The following CCDC73 variants were observed in gnomAD, a reference collection of about 807,000 sequenced individuals.
The protein encoded by CCDC73 is coiled-coil domain containing 73.
A neutral mutation model predicts 116.5 loss-of-function variants in CCDC73; 95 were observed. That is an observed-to-expected ratio of 0.82 (90% CI 0.69 to 0.97). CCDC73 has a LOEUF of 0.97. CCDC73 is among the 50% of genes least tolerant of loss of function. The pLI is 0.00. For missense variants in CCDC73, 1,066 were observed against 1,206.8 expected (o/e 0.88, Z 1.73); for synonymous variants, 398 against 401.3 (o/e 0.99, Z 0.10).
At chr11:32,733,558 T>C (rs982165564) in intron 2 of CCDC73, among the ~76,000 whole-genome samples, 9 of 152,160 alleles carry the variant, frequency 5.9e-5, no homozygotes, top group Admixed American at 1.3e-4. Flanking sequence ...ACAGAAATTA[T>C]AACAAACTGT....
chr11:32,635,518 A>T (rs1183060677), intron 14 of CCDC73, among the ~76,000 whole-genome samples, 178 bp downstream of exon 14: 1 of 152,160 alleles, frequency 6.6e-6, no homozygotes, highest in East Asian at 1.9e-4. Context: ...TAAAAAAATG[A>T]CCTTCAATTC....
At chr11:32,716,250 T>A (rs575862039) in intron 3 of CCDC73, among the ~76,000 whole-genome samples, 7 of 152,184 alleles carry the variant, frequency 4.6e-5, no homozygotes, top group African/African-American at 1.7e-4. Context: ...TTTCTTCAGA[T>A]GGAATCCAGC....
intron 2 of CCDC73, 31 bp downstream of exon 2, chr11:32,760,074 CTTAT>C (rs750676724): frequency 1.3e-6 from 2 of 1,542,480 alleles, no homozygotes; most frequent in African/African-American, 2.8e-5. Context: ...ATCAAGTTTT[CTTAT>C]TTAACAAAAG....
At chr11:32,810,438 G>A in the CCDC73 span, among the ~76,000 whole-genome samples, 1 of 152,114 alleles carries the variant, frequency 6.6e-6, no homozygotes, top group Non-Finnish European at 1.5e-5. Context: ...GTTCAATTAG[G>A]CTAAATTATT....
intron 6 of CCDC73, among the ~76,000 whole-genome samples, chr11:32,697,717 T>C (rs1849766495): frequency 6.6e-6 from 1 of 151,870 alleles, no homozygotes; most frequent in Non-Finnish European, 1.5e-5. Flanking sequence ...CTCCTGACTT[T>C]GAGTGATCTG....
chr11:32,802,487 G>A, the CCDC73 span, among the ~76,000 whole-genome samples: 1 of 152,152 alleles, frequency 6.6e-6, no homozygotes, highest in Non-Finnish European at 1.5e-5. Flanking sequence ...CTTCTGTAAA[G>A]TGATAGATGA....
At chr11:32,683,848 T>G (rs1856170377) in intron 6 of CCDC73, among the ~76,000 whole-genome samples, 1 of 152,170 alleles carries the variant, frequency 6.6e-6, no homozygotes, top group South Asian at 2.1e-4. Context: ...AAGGTATGCA[T>G]GTTAGAGAGT....
chr11:32,659,334 T>C (rs1855901302), intron 9 of CCDC73, among the ~76,000 whole-genome samples: 1 of 152,104 alleles, frequency 6.6e-6, no homozygotes, highest in Admixed American at 6.6e-5. Flanking sequence ...GTTGAACATA[T>C]AGAACCAGAG....
chr11:32,696,896 C>T (rs562023302), intron 6 of CCDC73, among the ~76,000 whole-genome samples: 1 of 149,226 alleles, frequency 6.7e-6, no homozygotes, highest in East Asian at 2.0e-4. Flanking sequence ...GTGGCCTGAT[C>T]ATGGCTCACA....
At chr11:32,800,290 A>G in the CCDC73 span, among the ~76,000 whole-genome samples, 1 of 151,950 alleles carries the variant, frequency 6.6e-6, no homozygotes, top group Non-Finnish European at 1.5e-5. Flanking sequence ...TTATTTATTT[A>G]TTTTATTTAA....
intron 2 of CCDC73, among the ~76,000 whole-genome samples, chr11:32,727,736 T>C (rs1361401970): frequency 6.6e-6 from 1 of 152,006 alleles, no homozygotes; most frequent in Non-Finnish European, 1.5e-5. Flanking sequence ...CACGTCCGGC[T>C]AGTTTTTGTA....
intron 13 of CCDC73, among the ~76,000 whole-genome samples, chr11:32,638,506 G>A (rs1036762516): frequency 6.6e-6 from 1 of 152,000 alleles, no homozygotes; most frequent in Non-Finnish European, 1.5e-5. Context: ...TTTTGAGACA[G>A]AGTCTTGTTC....
intron 14 of CCDC73, among the ~76,000 whole-genome samples, chr11:32,629,463 C>T (rs892490820): frequency 6.6e-6 from 1 of 150,924 alleles, no homozygotes; most frequent in Admixed American, 6.6e-5. Context: ...TGGAGTGGCG[C>T]GATCTCGGCT....
In CCDC73 at chr11:32,602,812, T is replaced by C. The variant is rs560138318; in HGVS notation, c.3239A>G (p.Ter1080=). ...ETLEKNNRLK[*] ...CACTACTGAAAGCACTTATCTACAT[T>C]ATTTTAATCTGTTGTTTTTTTCCAA... is the stretch of plus-strand genomic sequence containing the variant. Residue 1080 remains the stop codon, a stop_retained_variant, in exon 18 of 18, where the codon TAA becomes TGA. Transcript: ENST00000335185. 4.4e-5 allele frequency: 69 copies of C among 1,572,672 alleles called. 1 individual carries two copies. The South Asian group carries it at 7.8e-4, about 18-fold the overall frequency.
intron 2 of CCDC73, among the ~76,000 whole-genome samples, chr11:32,718,611 G>C (rs972935783): frequency 6.6e-6 from 1 of 152,128 alleles, no homozygotes; most frequent in Non-Finnish European, 1.5e-5. Flanking sequence ...CTATGTAGGG[G>C]AAGAGCAGTC....
At chr11:32,624,345 T>A (rs1388988403) in intron 14 of CCDC73, among the ~76,000 whole-genome samples, 3 of 151,652 alleles carry the variant, frequency 2.0e-5, no homozygotes, top group African/African-American at 4.8e-5. Flanking sequence ...AAATAAAAAA[T>A]AAAAAAATAA....
rs1554968838 is a variant in CCDC73 at position 32,755,547 on chromosome 11, A to ATATATATATATATATATATG, written c.135+4561_135+4562insCATATATATATATATATATA. ...AGACTCCATCTCAAAATATATATAT[A>ATATATATATATATATATATG]TATATATATATATATGTACATATAT... On this transcript the variant is annotated intron_variant, in intron 2 of 17. Coordinates refer to ENST00000335185, the MANE Select transcript of CCDC73 (RefSeq NM_001008391.4). Among the ~76,000 whole-genome samples, 30 of 93,860 alleles carry ATATATATATATATATATATG rather than the reference A, an allele frequency of 3.2e-4. 2 individuals carry two copies. In the East Asian group the frequency reaches 6.0e-3, roughly 19 times the overall value. The allele number at this position is 93,860 out of a possible 152,430, so 61.6% of individuals were successfully genotyped here.
At chr11:32,813,353 C>T in the CCDC73 span, among the ~76,000 whole-genome samples, 2 of 152,080 alleles carry the variant, frequency 1.3e-5, no homozygotes, top group African/African-American at 2.4e-5. Context: ...ACCTCCTGAG[C>T]TCAAGCGATC....
At chr11:32,715,342 T>C (rs559276212) in intron 3 of CCDC73, among the ~76,000 whole-genome samples, 1 of 152,268 alleles carries the variant, frequency 6.6e-6, no homozygotes, top group Non-Finnish European at 1.5e-5. Flanking sequence ...TTTAAAGTGA[T>C]CTACAAGTTC....
Sources: allele counts gnomAD v4.1 joint callset (sites outside exome capture counted in the v4.1 genomes callset), GRCh38; gene constraint gnomAD v4.1.1; transcripts MANE v1.5; gene names NCBI Gene and HGNC (gene_info 2026-07-23, HGNC 2026-07-21).